CSRNP3: variants seen among roughly 807,000 people sequenced by gnomAD.
The protein encoded by CSRNP3 is cysteine and serine rich nuclear protein 3.
In CSRNP3, 12 loss-of-function variants were observed where a neutral mutation model predicts 48.0. The observed-to-expected ratio is 0.25, with a 90% CI of 0.16 to 0.41. The LOEUF is 0.41. Ranked by LOEUF, CSRNP3 falls within the 10% of genes least tolerant of loss-of-function variation. The pLI is 1.00. For synonymous variants in CSRNP3, 263 were observed against 269.7 expected (o/e 0.98, Z 0.24); for missense variants, 580 against 724.4 (o/e 0.80, Z 2.29).
intron 4 of CSRNP3, among the ~76,000 whole-genome samples, chr2:165,598,894 A>T (rs1685853840): frequency 6.6e-6 from 1 of 152,144 alleles, no homozygotes; most frequent in Admixed American, 6.5e-5. Flanking sequence ...AAGTGGGAAA[A>T]AATAGTAAAG....
chr2:165,676,608 G>A lies in CSRNP3; in HGVS notation c.705G>A (p.Gln235=). The change falls in exon 6 of 7, where the codon CAG becomes CAA. Residue 235 remains glutamine, a splice_region_variant and synonymous_variant. Coordinates refer to ENST00000651982, the MANE Select transcript of CSRNP3 (RefSeq NM_001172173.2). ...GCAGCCTGGCTGGCATTAAGTGCCA[G>A]GTAAGGGTTGGGAATTCAGGGCATC... ...CTCSLAGIKC[Q]VDRMSFPCGC... 6.2e-7 allele frequency: 1 copy of A among 1,611,310 alleles called. No individual in the cohort carries two copies. The highest frequency in any genetic ancestry group is 8.5e-7 in the Non-Finnish European group (1 of 1,177,678).
At position 165,676,628 on chromosome 2, in the gene CSRNP3, G is replaced by A. The variant is rs768810699; in HGVS notation, c.705+20G>A. ...TGCCAGGTAAGGGTTGGGAATTCAG[G>A]GCATCCAAAGACAAGACATTGTCTA... On this transcript the variant is annotated intron_variant, in intron 6 of 6. Transcript: ENST00000651982. 6.2e-7 allele frequency: 1 copy of A among 1,605,200 alleles called. No homozygotes were observed.
chr2:165,564,185 T>G (rs1366250310), intron 3 of CSRNP3, among the ~76,000 whole-genome samples: 2 of 152,116 alleles, frequency 1.3e-5, no homozygotes, highest in Non-Finnish European at 2.9e-5. Flanking sequence ...AATCAAGTCT[T>G]TAGGGATCCT....
chr2:165,617,176 T>C (rs186559497), intron 4 of CSRNP3, among the ~76,000 whole-genome samples: 2 of 152,344 alleles, frequency 1.3e-5, no homozygotes, highest in East Asian at 1.9e-4. Flanking sequence ...CTGTGAGGTC[T>C]GTTGCTGGAG....
At position 165,681,323 on chromosome 2, in the gene CSRNP3, C is replaced by T. The variant is rs2105368309; in HGVS notation, c.*1570C>T. The T allele has an allele frequency of 6.6e-6, 1 of 152,094 alleles. No individual in the cohort carries two copies. Among genetic ancestry groups the T allele is most frequent in the East Asian group, 1.9e-4 (1 of 5,174 alleles). 9.4% of individuals were successfully genotyped at this position (152,094 alleles called of 1,614,324 possible). A position where few individuals can be genotyped will look rare whatever the true frequency, so the allele number is the denominator to read the frequency against. On this transcript the variant is annotated 3_prime_UTR_variant, in exon 7 of 7. Transcript: ENST00000651982. ...CTATTTGAAATGCGGACATGACTTG[C>T]TATTCAGTGACTGCATCGCTACTTA... is the stretch of plus-strand genomic sequence containing the variant.
chr2:165,510,440 C>T (rs1684486788), intron 2 of CSRNP3, among the ~76,000 whole-genome samples: 1 of 152,140 alleles, frequency 6.6e-6, no homozygotes, highest in African/African-American at 2.4e-5. Flanking sequence ...TATTTCAACT[C>T]TGACCATTGA....
intron 2 of CSRNP3, among the ~76,000 whole-genome samples, chr2:165,501,128 C>A (rs1684353855): frequency 2.0e-5 from 3 of 152,116 alleles, no homozygotes; most frequent in Admixed American, 1.3e-4. Context: ...TTAGGCTTCC[C>A]ATTATAGTGG....
At chr2:165,655,897 C>T (rs533646682) in intron 4 of CSRNP3, among the ~76,000 whole-genome samples, 9 of 152,320 alleles carry the variant, frequency 5.9e-5, no homozygotes, top group Admixed American at 3.3e-4. Flanking sequence ...AGGGCCCACC[C>T]TAGTGACCTC....
intron 3 of CSRNP3, among the ~76,000 whole-genome samples, chr2:165,543,895 T>G (rs768375771): frequency 2.0e-5 from 3 of 151,848 alleles, no homozygotes; most frequent in Non-Finnish European, 4.4e-5. Context: ...CTTGAACACA[T>G]CAATAAAAAA....
At chr2:165,608,972 T>G (rs1573915675) in intron 4 of CSRNP3, among the ~76,000 whole-genome samples, 3 of 141,302 alleles carry the variant, frequency 2.1e-5, no homozygotes, top group African/African-American at 7.9e-5. Flanking sequence ...CTGGGCATGG[T>G]GGCGGGCGCC....
At chr2:165,533,151 G>C (rs184556548) in intron 3 of CSRNP3, among the ~76,000 whole-genome samples, 64 of 152,126 alleles carry the variant, frequency 4.2e-4, no homozygotes, top group African/African-American at 1.5e-3. Flanking sequence ...ACATCCAGTA[G>C]AGTTGGTAGC....
intron 4 of CSRNP3, among the ~76,000 whole-genome samples, chr2:165,630,212 C>A (rs1473228976): frequency 1.3e-5 from 2 of 152,078 alleles, no homozygotes; most frequent in Admixed American, 6.6e-5. Flanking sequence ...TAAATTCTGG[C>A]GTTCTTAGGA....
At chr2:165,644,061 A>G (rs565128141) in intron 4 of CSRNP3, among the ~76,000 whole-genome samples, 1 of 152,186 alleles carries the variant, frequency 6.6e-6, no homozygotes, top group Non-Finnish European at 1.5e-5. Flanking sequence ...CTCTTTCAAA[A>G]TCATTTATAA....
At chr2:165,634,159 C>A (rs1325302655) in intron 4 of CSRNP3, among the ~76,000 whole-genome samples, 2 of 151,932 alleles carry the variant, frequency 1.3e-5, no homozygotes, top group Non-Finnish European at 2.9e-5. Context: ...AGTCACATGG[C>A]AAAACCCCGT....
At chr2:165,657,657 AG>A (rs1687026989) in intron 4 of CSRNP3, 103 bp from the exon 5 acceptor site, 1 of 1,384,070 alleles carries the variant, frequency 7.2e-7, no homozygotes, top group Non-Finnish European at 1.0e-6. Flanking sequence ...CTAGCCAACA[AG>A]GGTTGGCCAC....
chr2:165,499,100 G>A (rs1684324040), intron 2 of CSRNP3, among the ~76,000 whole-genome samples: 1 of 152,062 alleles, frequency 6.6e-6, no homozygotes, highest in Admixed American at 6.6e-5. Context: ...ATAAATGATT[G>A]CCCAACTGTA....
intron 3 of CSRNP3, among the ~76,000 whole-genome samples, chr2:165,525,747 A>G (rs1196379842): frequency 2.0e-5 from 3 of 152,076 alleles, no homozygotes; most frequent in African/African-American, 7.2e-5. Flanking sequence ...CAGCCTCCCA[A>G]AGTGCTGGGA....
intron 4 of CSRNP3, among the ~76,000 whole-genome samples, chr2:165,631,927 T>C (rs1042962782): frequency 7.2e-5 from 11 of 152,222 alleles, no homozygotes; most frequent in Non-Finnish European, 1.5e-4. Context: ...AAAGAAAAGA[T>C]TAATATCTGG....
At chr2:165,672,750 C>T (rs1185671763) in intron 5 of CSRNP3, among the ~76,000 whole-genome samples, 1 of 152,138 alleles carries the variant, frequency 6.6e-6, no homozygotes, top group Non-Finnish European at 1.5e-5. Flanking sequence ...TTGACTTTTT[C>T]CCCTAAAATG....
Sources: allele counts gnomAD v4.1 joint callset (sites outside exome capture counted in the v4.1 genomes callset), GRCh38; gene constraint gnomAD v4.1.1; transcripts MANE v1.5; gene names NCBI Gene and HGNC (gene_info 2026-07-23, HGNC 2026-07-21).